The following ACAN variants were observed in gnomAD, a reference collection of about 807,000 sequenced individuals.
ACAN encodes aggrecan.
A neutral mutation model predicts 169.1 loss-of-function variants in ACAN; 47 were observed. The observed-to-expected ratio is 0.28, with a 90% CI of 0.22 to 0.35. The LOEUF is 0.35. Among genes scored for constraint, ACAN ranks in the 10% least tolerant of loss-of-function variants. The pLI, the probability that ACAN is intolerant of heterozygous loss-of-function variation, is 1.00. For missense variants in ACAN, 2,716 were observed against 2,759.9 expected (o/e 0.98, Z 0.36); for synonymous variants, 1,115 against 1,112.2 (o/e 1.00, Z -0.05).
intron 12 of ACAN, 56 bp from the exon 13 acceptor site, chr15:88,860,270 C>T: frequency 2.3e-6 from 3 of 1,327,126 alleles, no homozygotes; most frequent in Non-Finnish European, 3.1e-6. Context: ...TCTTGGAGGC[C>T]ATGGTAGCCA....
chr15:88,871,139 G>T lies in ACAN; in HGVS notation c.7061-243G>T, dbSNP rs2141637711. 6.6e-6 allele frequency among the ~76,000 whole-genome samples: 1 copy of T among 152,302 alleles called. No individual in the cohort carries two copies. Among genetic ancestry groups the T allele is most frequent in the East Asian group, 1.9e-4 (1 of 5,182 alleles). Reference sequence around the variant, plus strand: ...GGAAAGCTTGGGAGAGGGTGAGGGGGGAGGGCGTGGCATCAGGGAAGGAAA... The same window carrying T: ...GGAAAGCTTGGGAGAGGGTGAGGGGTGAGGGCGTGGCATCAGGGAAGGAAA... On this transcript the variant is annotated intron_variant, in intron 14 of 18. Transcript: ENST00000560601. The surrounding 1 kb of genome is among the most constrained non-coding windows in gnomAD (Gnocchi z 7.8).
chr15:88,840,688 AT>A (rs1405712220), intron 4 of ACAN, among the ~76,000 whole-genome samples: 2 of 152,002 alleles, frequency 1.3e-5, no homozygotes, highest in African/African-American at 4.8e-5. Flanking sequence ...CAGGAGCATC[AT>A]AGCTCCAACA....
intron 13 of ACAN, among the ~76,000 whole-genome samples, chr15:88,867,908 G>A (rs769859430): frequency 4.6e-5 from 7 of 152,212 alleles, no homozygotes; most frequent in South Asian, 4.1e-4. Flanking sequence ...TATGTTCCCC[G>A]TCAGAAAAGA....
rs1274253833 is a variant in ACAN at position 88,868,505 on chromosome 15, C to T, written c.7060+176C>T. ...TGCCCCACTGATTCCCACTCTTTTT[C>T]TTGCTCTCCTCCTTGAAAACCCTTT... On this transcript the variant is annotated intron_variant, in intron 14 of 18. Coordinates refer to ENST00000560601, the MANE Select transcript of ACAN (RefSeq NM_001369268.1). The surrounding 1 kb of genome is among the most constrained non-coding windows in gnomAD (Gnocchi z 5.2). Among the ~76,000 whole-genome samples the T allele has an allele frequency of 6.6e-6, 1 of 152,164 alleles. No homozygotes were observed. The highest frequency in any genetic ancestry group is 1.5e-5 in the Non-Finnish European group (1 of 68,026).
rs901326443 is a variant in ACAN, at chr15:88,838,438, A to T, written c.71-225A>T. ...TTCTAGCTCCATAGTTTCTGTCTCG[A>T]GATGCAGAGGCCAGGGGTCTTGAGG... On this transcript the variant is annotated intron_variant, in intron 2 of 18. Transcript: ENST00000560601. This position sits in a 1 kb window ranked among gnomAD's most constrained non-coding sequence, Gnocchi z 5.1. Among the ~76,000 whole-genome samples the T allele has an allele frequency of 6.6e-6, 1 of 152,030 alleles. No individual in the cohort carries two copies. The highest frequency in any genetic ancestry group is 2.4e-5 in the African/African-American group (1 of 41,370).
rs1313944240 is a variant in ACAN, at chr15:88,861,742, T to C, written c.6946+1303T>C. Among the ~76,000 whole-genome samples, 1 of 152,074 alleles carries C rather than the reference T, an allele frequency of 6.6e-6. No individual in the cohort carries two copies. Among genetic ancestry groups the C allele is most frequent in the Non-Finnish European group, 1.5e-5 (1 of 68,014 alleles). Reference sequence around the variant, plus strand: ...ACTCACCCCTGATGGGTGACTCCACTCTTGGGAAATCCTTCTTAACCTGAT... The same window carrying C: ...ACTCACCCCTGATGGGTGACTCCACCCTTGGGAAATCCTTCTTAACCTGAT... On this transcript the variant is annotated intron_variant, in intron 13 of 18. Coordinates refer to ENST00000560601, the MANE Select transcript of ACAN (RefSeq NM_001369268.1). The surrounding 1 kb of genome is among the most constrained non-coding windows in gnomAD (Gnocchi z 6.3).
chr15:88,814,946 G>A lies in ACAN; in HGVS notation c.-8+11137G>A, dbSNP rs1331792017. 1.3e-5 allele frequency among the ~76,000 whole-genome samples: 2 copies of A among 151,594 alleles called. No homozygotes were observed. Among genetic ancestry groups the A allele is most frequent in the East Asian group, 1.9e-4 (1 of 5,176 alleles). ...AAATGTACCAGAAGAACCTTTGGTGGTTCTCAGCCAGTTAAGGTGGCTGAA... is the reference window on the plus strand; with the variant it reads ...AAATGTACCAGAAGAACCTTTGGTGATTCTCAGCCAGTTAAGGTGGCTGAA... On this transcript the variant is annotated intron_variant, in intron 1 of 18. Transcript: ENST00000560601. This position sits in a 1 kb window ranked among gnomAD's most constrained non-coding sequence, Gnocchi z 4.0.
At chr15:88,859,453 G>A in intron 12 of ACAN, 36 bp downstream of exon 12, 1 of 1,551,472 alleles carries the variant, frequency 6.4e-7, no homozygotes, top group Non-Finnish European at 8.7e-7. Context: ...ATGTGCTTAG[G>A]TAGTTCAGAC....
At chr15:88,841,539 C>T (rs900474496) in intron 4 of ACAN, among the ~76,000 whole-genome samples, 5 of 152,112 alleles carry the variant, frequency 3.3e-5, no homozygotes, top group African/African-American at 9.7e-5. Flanking sequence ...TGTTTTGTAC[C>T]ACTAAATATT....
At chr15:88,835,894 C>A (rs1375139385) in intron 1 of ACAN, among the ~76,000 whole-genome samples, 1 of 152,198 alleles carries the variant, frequency 6.6e-6, no homozygotes, top group East Asian at 1.9e-4. Context: ...TGCCCCGGCC[C>A]AGTCAGGTTG....
chr15:88,817,690 C>CA (rs1567165496), intron 1 of ACAN, among the ~76,000 whole-genome samples: 4 of 151,498 alleles, frequency 2.6e-5, no homozygotes, highest in African/African-American at 9.7e-5. Flanking sequence ...CCTGTCTCTA[C>CA]AAAAAATACA....
Position 88,855,028 on chromosome 15 carries a change from G to A in ACAN, c.2443G>A (p.Val815Met), listed in dbSNP as rs755315928. Residue 815 changes from valine (V) to methionine (M), a missense_variant, in exon 12 of 19, where the codon GTG becomes ATG. By Grantham distance (21) the Val-to-Met change is conservative (BLOSUM62 1). Coordinates refer to ENST00000560601, the MANE Select transcript of ACAN (RefSeq NM_001369268.1). The stretch of plus-strand genomic sequence containing the variant: ...CCCCTCAGTGAGGCCATTCCCCTCA[G>A]TGGAGCTGTTCCCCTCAGAGGAGCC... The part of the protein sequence containing the change: ...PFPSVRPFPS[V>M]ELFPSEEPFP... 39 of 1,593,936 alleles carry A rather than the reference G, an allele frequency of 2.4e-5. No individual in the cohort carries two copies. The highest frequency in any genetic ancestry group is 3.2e-5 in the Non-Finnish European group (38 of 1,171,512).
chr15:88,808,898 A>G (rs1286058462), intron 1 of ACAN, among the ~76,000 whole-genome samples: 1 of 152,110 alleles, frequency 6.6e-6, no homozygotes, highest in Non-Finnish European at 1.5e-5. Flanking sequence ...ATGAAAAGGA[A>G]AAGAAAAGTC....
intron 1 of ACAN, among the ~76,000 whole-genome samples, chr15:88,806,674 CT>C (rs1895691215): frequency 6.6e-6 from 1 of 152,128 alleles, no homozygotes. Context: ...ATGATTCCTT[CT>C]AGAACTGGGT....
In ACAN at chr15:88,839,949, C is replaced by T; in HGVS notation, c.455-63C>T. On this transcript the variant is annotated intron_variant, in intron 3 of 18. Transcript: ENST00000560601. The surrounding 1 kb of genome is among the most constrained non-coding windows in gnomAD (Gnocchi z 4.5). ...ACTATTGCCATAATTCTGCGAGGGC[C>T]TCGGTGATCAGAGACTGTGCCTGAC... is the stretch of plus-strand genomic sequence containing the variant. The T allele has an allele frequency of 6.5e-7, 1 of 1,542,564 alleles. No individual in the cohort carries two copies. The highest frequency in any genetic ancestry group is 8.8e-7 in the Non-Finnish European group (1 of 1,138,252).
At chr15:88,845,468 G>A in intron 6 of ACAN, 37 bp from the exon 7 acceptor site, 1 of 1,561,336 alleles carries the variant, frequency 6.4e-7, no homozygotes, top group Non-Finnish European at 8.7e-7. Context: ...CCGGTCCCAG[G>A]CTGAGAGGCT....
chr15:88,836,721 A>C (rs139392074), intron 2 of ACAN, among the ~76,000 whole-genome samples: 1 of 152,252 alleles, frequency 6.6e-6, no homozygotes, highest in African/African-American at 2.4e-5. Flanking sequence ...GGAATCAGAC[A>C]GGTCTTTGCC....
chr15:88,838,905 T>C lies in ACAN; in HGVS notation c.313T>C (p.Ser105Pro). The C allele has an allele frequency of 6.2e-7, 1 of 1,614,022 alleles. No homozygotes were observed. The highest frequency in any genetic ancestry group is 8.5e-7 in the Non-Finnish European group (1 of 1,179,898). ...CAACAGTGCCTATCAGGACAAGGTC[T>C]CACTGCCCAACTACCCGGCCATCCC... ...RVNSAYQDKV[S>P]LPNYPAIPSD... The change falls in exon 3 of 19, where the codon TCA becomes CCA. Residue 105 changes from serine to proline, a missense_variant. Coordinates refer to ENST00000560601, the MANE Select transcript of ACAN (RefSeq NM_001369268.1). This position sits in a 1 kb window ranked among gnomAD's most constrained non-coding sequence, Gnocchi z 5.1.
At position 88,821,853 on chromosome 15, in the gene ACAN, A is replaced by C. The variant is rs551253308; in HGVS notation, c.-7-14347A>C. Reference sequence around the variant, plus strand: ...CTAGAAGGGCTCACAGAACTCAGCAAAACTGTTACACTCACAGTTACGGTT... The same window carrying C: ...CTAGAAGGGCTCACAGAACTCAGCACAACTGTTACACTCACAGTTACGGTT... On this transcript the variant is annotated intron_variant, in intron 1 of 18. Coordinates refer to ENST00000560601, the MANE Select transcript of ACAN (RefSeq NM_001369268.1). 7.9e-5 allele frequency among the ~76,000 whole-genome samples: 12 copies of C among 152,318 alleles called. No homozygotes were observed. The East Asian group carries it at 2.3e-3, about 29-fold the overall frequency.
Sources: allele counts gnomAD v4.1 joint callset (sites outside exome capture counted in the v4.1 genomes callset), GRCh38; gene constraint gnomAD v4.1.1; non-coding constraint Gnocchi (gnomAD v3.1); transcripts MANE v1.5; gene names NCBI Gene and HGNC (gene_info 2026-07-23, HGNC 2026-07-21).